PTPRD: variants seen among roughly 807,000 people sequenced by gnomAD.
PTPRD encodes protein tyrosine phosphatase receptor type D.
Under a neutral mutation model 214.5 loss-of-function variants are expected in PTPRD, and 34 were observed. That is an observed-to-expected ratio of 0.16 (90% confidence interval 0.12 to 0.21). PTPRD has a LOEUF of 0.21. Ranked by LOEUF, PTPRD falls within the 10% of genes least tolerant of loss-of-function variation. The pLI is 1.00. For synonymous variants in PTPRD, 1,128 were observed against 845.7 expected (o/e 1.33, Z -5.79); for missense variants, 2,545 against 2,398.7 (o/e 1.06, Z -1.27).
intron 11 of PTPRD, among the ~76,000 whole-genome samples, chr9:8,930,569 G>C (rs1335977662): frequency 1.3e-5 from 2 of 152,108 alleles, no homozygotes; most frequent in Non-Finnish European, 1.5e-5. Flanking sequence ...CTAGTTTACA[G>C]TCCCACCAAC....
intron 3 of PTPRD, among the ~76,000 whole-genome samples, chr9:10,331,458 G>C (rs982842910): frequency 2.0e-5 from 3 of 151,858 alleles, no homozygotes; most frequent in African/African-American, 7.2e-5. Context: ...CCCATTCCCT[G>C]TCTGAATTCC....
intron 11 of PTPRD, among the ~76,000 whole-genome samples, chr9:8,894,083 G>C (rs2098575627): frequency 1.3e-5 from 2 of 152,142 alleles, no homozygotes; most frequent in Non-Finnish European, 2.9e-5. Context: ...GCCAGGTGCG[G>C]TGGCTCATGC....
At chr9:9,941,629 G>C (rs779294061) in intron 4 of PTPRD, among the ~76,000 whole-genome samples, 11 of 152,126 alleles carry the variant, frequency 7.2e-5, no homozygotes, top group Non-Finnish European at 1.5e-4. Context: ...AGCCAAATGT[G>C]TATATCTATA....
chr9:8,603,929 T>A (rs1413872780), intron 14 of PTPRD, among the ~76,000 whole-genome samples: 1 of 152,180 alleles, frequency 6.6e-6, no homozygotes, highest in Non-Finnish European at 1.5e-5. Context: ...TTAGACACTA[T>A]AATGTGTTTC....
chr9:8,675,045 T>A (rs879674188), intron 12 of PTPRD, among the ~76,000 whole-genome samples: 10 of 152,160 alleles, frequency 6.6e-5, no homozygotes, highest in African/African-American at 2.4e-4. Context: ...GGTCAGTAAA[T>A]ACATGTCAAC....
intron 9 of PTPRD, among the ~76,000 whole-genome samples, chr9:9,302,991 G>A (rs967154662): frequency 1.3e-5 from 2 of 151,644 alleles, no homozygotes; most frequent in Non-Finnish European, 2.9e-5. Context: ...GCTATTCAAG[G>A]GCATGTCCTA....
chr9:8,362,266 G>C (rs531147676), intron 39 of PTPRD, among the ~76,000 whole-genome samples: 1 of 152,326 alleles, frequency 6.6e-6, no homozygotes, highest in South Asian at 2.1e-4. Flanking sequence ...AATTCTGGAA[G>C]AGGTTTTGCT....
intron 10 of PTPRD, among the ~76,000 whole-genome samples, chr9:9,096,053 T>C (rs1483410523): frequency 6.6e-6 from 1 of 152,132 alleles, no homozygotes; most frequent in Non-Finnish European, 1.5e-5. Flanking sequence ...AATAATGCAT[T>C]TCAAATACAC....
chr9:10,350,189 A>T (rs894813879), intron 2 of PTPRD, among the ~76,000 whole-genome samples: 1 of 152,128 alleles, frequency 6.6e-6, no homozygotes, highest in African/African-American at 2.4e-5. Context: ...CTTAAGAAAG[A>T]TGCAGCATAG....
chr9:9,556,801 T>C (rs951889054), intron 8 of PTPRD, among the ~76,000 whole-genome samples: 1 of 152,162 alleles, frequency 6.6e-6, no homozygotes, highest in Non-Finnish European at 1.5e-5. Flanking sequence ...AAAATCTTGA[T>C]GATGATGGAG....
At position 9,502,818 on chromosome 9, in the gene PTPRD, C is replaced by A. The variant is rs116312990; in HGVS notation, c.-237+71914G>T. ...ACATTATGTTGAAGCAAAGAAGCTA[C>A]ATGCAAAAGAATATGCAAAATGAGA... is the stretch of plus-strand genomic sequence containing the variant. On this transcript the variant is annotated intron_variant, in intron 8 of 45. Coordinates refer to ENST00000381196, the MANE Select transcript of PTPRD (RefSeq NM_002839.4). Among the ~76,000 whole-genome samples, 490 of 151,980 alleles carry A rather than the reference C, an allele frequency of 3.2e-3. 3 individuals are homozygous for A. The highest frequency in any genetic ancestry group is 0.011 in the African/African-American group (469 of 41,508).
At chr9:9,902,040 T>G (rs2076522390) in intron 5 of PTPRD, among the ~76,000 whole-genome samples, 1 of 152,236 alleles carries the variant, frequency 6.6e-6, no homozygotes, top group African/African-American at 2.4e-5. Flanking sequence ...CTTCCTAAAA[T>G]TTAGCTAATA....
intron 5 of PTPRD, among the ~76,000 whole-genome samples, chr9:9,889,536 A>T (rs2072417038): frequency 1.3e-5 from 2 of 152,162 alleles, no homozygotes. Flanking sequence ...GAGAACACCA[A>T]GCCTCTAAGT....
At chr9:9,043,456 AC>A (rs1231109843) in intron 10 of PTPRD, among the ~76,000 whole-genome samples, 1 of 152,140 alleles carries the variant, frequency 6.6e-6, no homozygotes, top group Non-Finnish European at 1.5e-5. Context: ...GGTCACCATA[AC>A]CTTTTCTGTT....
chr9:9,068,315 G>A (rs934430914), intron 10 of PTPRD, among the ~76,000 whole-genome samples: 5 of 152,208 alleles, frequency 3.3e-5, no homozygotes, highest in East Asian at 1.9e-4. Context: ...GAACATTTAT[G>A]TACAGGTCTG....
intron 9 of PTPRD, among the ~76,000 whole-genome samples, chr9:9,340,081 T>C (rs115935653): frequency 0.018 from 2,784 of 152,146 alleles, 92 homozygotes; most frequent in African/African-American, 0.064. Flanking sequence ...AATGGCACTC[T>C]AGGAAAGAGT....
chr9:9,786,687 G>C (rs907892079), intron 5 of PTPRD, among the ~76,000 whole-genome samples: 2 of 152,050 alleles, frequency 1.3e-5, no homozygotes, highest in Non-Finnish European at 2.9e-5. Flanking sequence ...ATCAGTTAAT[G>C]GGTGCAGCAC....
chr9:9,456,605 A>G (rs2145631908), intron 8 of PTPRD, among the ~76,000 whole-genome samples: 1 of 152,014 alleles, frequency 6.6e-6, no homozygotes, highest in South Asian at 2.1e-4. Flanking sequence ...GCCTCTAACT[A>G]TCACCTCTAA....
intron 3 of PTPRD, among the ~76,000 whole-genome samples, chr9:10,145,296 AAC>A (rs2154270800): frequency 6.6e-6 from 1 of 152,210 alleles, no homozygotes; most frequent in Non-Finnish European, 1.5e-5. Flanking sequence ...ACCCTTTAAC[AAC>A]ACAGTTTTAA....
Sources: allele counts gnomAD v4.1 joint callset (sites outside exome capture counted in the v4.1 genomes callset), GRCh38; gene constraint gnomAD v4.1.1; transcripts MANE v1.5; gene names NCBI Gene and HGNC (gene_info 2026-07-23, HGNC 2026-07-21).